The following SIGLEC1 variants were observed in gnomAD, a reference collection of about 807,000 sequenced individuals.
SIGLEC1 encodes sialoadhesin.
A neutral mutation model predicts 148.0 loss-of-function variants in SIGLEC1; 132 were observed. The ratio of observed to expected loss-of-function variants is 0.89; its 90% confidence interval spans 0.77 to 1.03. SIGLEC1 has a LOEUF of 1.03. SIGLEC1 is among the 50% of genes least tolerant of loss of function. The pLI is 0.00. For missense variants in SIGLEC1, 2,253 were observed against 2,271.4 expected (o/e 0.99, Z 0.16); for synonymous variants, 945 against 969.0 (o/e 0.98, Z 0.46).
chr20:3,706,300 G>C (rs1354632589), intron 3 of SIGLEC1, 47 bp downstream of exon 3: 1 of 1,566,684 alleles, frequency 6.4e-7, no homozygotes, highest in East Asian at 2.3e-5. Flanking sequence ...TCCAGAAGCA[G>C]CTTGGGAATC....
At chr20:3,712,418 G>A (rs951697945) in intron 1 of SIGLEC1, among the ~76,000 whole-genome samples, 52 bp downstream of exon 1, 12 of 129,740 alleles carry the variant, frequency 9.2e-5, no homozygotes, top group South Asian at 3.1e-4. Context: ...GCCCAGCCCC[G>A]CTCCTAATGC....
chr20:3,698,138 A>C lies in SIGLEC1; in HGVS notation c.1787-5T>G. The C allele has an allele frequency of 4.4e-6, 7 of 1,578,658 alleles. No homozygotes were observed. Among genetic ancestry groups the C allele is most frequent in the Non-Finnish European group, 6.0e-6 (7 of 1,166,028 alleles). ...ATGTTGGTTGTCGAGGGGGGTCTGC[A>C]GGGAGGAAGAACATGGGCACTCATC... On this transcript the variant is annotated splice_region_variant and splice_polypyrimidine_tract_variant and intron_variant, in intron 8 of 21. Transcript: ENST00000344754.
intron 4 of SIGLEC1, 136 bp from the exon 5 acceptor site, chr20:3,704,227 A>C: frequency 2.5e-6 from 2 of 801,854 alleles, no homozygotes; most frequent in Admixed American, 2.5e-5. Context: ...TTCAATCCTC[A>C]CCCAGGGCAT....
intron 4 of SIGLEC1, 36 bp downstream of exon 4, chr20:3,705,680 GGCTGGTTTCTGTCAGGAGCAACAGATGC>G: frequency 1.3e-6 from 2 of 1,513,614 alleles, no homozygotes; most frequent in Admixed American, 3.6e-5. Context: ...GCTGGAGAGG[GGCTGGTTTCTGTCAGGAGCAACAGATGC>G]GCTCAGCCAC....
chr20:3,698,263 G>A, intron 8 of SIGLEC1, 130 bp from the exon 9 acceptor site: 1 of 803,750 alleles, frequency 1.2e-6, no homozygotes, highest in East Asian at 2.8e-5. Context: ...TGCAGACTGT[G>A]CACTGCACAA....
In SIGLEC1 at chr20:3,696,120, C is replaced by CTATATATATATA. The variant is rs1555847913; in HGVS notation, c.2683+465_2683+466insTATATATATATA. On this transcript the variant is annotated intron_variant, in intron 11 of 21. Coordinates refer to ENST00000344754, the MANE Select transcript of SIGLEC1 (RefSeq NM_023068.4). ...GCCTGAGGGAGGATTTTTATAGAGA[C>CTATATATATATA]TATATATATACACACACACAAACAC... 5.7e-4 allele frequency among the ~76,000 whole-genome samples: 60 copies of CTATATATATATA among 106,056 alleles called. 1 individual carries two copies. The Middle Eastern group carries it at 0.013, about 22-fold the overall frequency. The allele number at this position is 106,056 out of a possible 152,430, so 69.6% of individuals were successfully genotyped here.
At chr20:3,705,722 G>T (rs1289527631) in intron 4 of SIGLEC1, 22 bp downstream of exon 4, 3 of 1,586,778 alleles carry the variant, frequency 1.9e-6, no homozygotes, top group Non-Finnish European at 2.6e-6. Flanking sequence ...CAGCCACAAG[G>T]GTGTGTCCCC....
Position 3,689,830 on chromosome 20 carries a change from C to T in SIGLEC1, c.4895-128G>A, listed in dbSNP as rs184185343. ...CGCTGAAGCTCTCCACACAAGGGTG[C>T]CCCGAGCAATCAGTTTAGAGTCGAC... On this transcript the variant is annotated intron_variant, in intron 19 of 21. Transcript: ENST00000344754. 2.8e-5 allele frequency: 32 copies of T among 1,158,932 alleles called. No homozygotes were observed. In the East Asian group the frequency reaches 8.0e-4, roughly 29 times the overall value. 71.8% of individuals were successfully genotyped at this position (1,158,932 alleles called of 1,614,324 possible).
Position 3,691,504 on chromosome 20 carries a change from T to G in SIGLEC1, c.4427A>C (p.Asn1476Thr). The G allele has an allele frequency of 6.2e-7, 1 of 1,613,238 alleles. No homozygotes were observed. Among genetic ancestry groups the G allele is most frequent in the Non-Finnish European group, 8.5e-7 (1 of 1,179,984 alleles). Residue 1476 changes from asparagine to threonine, a missense_variant, in exon 18 of 22, where the codon AAC (asparagine) becomes ACC (threonine). By Grantham distance (65) the Asn-to-Thr change is moderately conservative. Coordinates refer to ENST00000344754, the MANE Select transcript of SIGLEC1 (RefSeq NM_023068.4). ...ATTCCAGAACCATGCAAAGGTGGAG[T>G]TGCCCACAGGCCCAGGGCCACCCAG... ...RLLGGPGPVG[N>T]STFAWFWNDR...
intron 1 of SIGLEC1, among the ~76,000 whole-genome samples, chr20:3,709,098 G>A (rs1041397708): frequency 1.4e-5 from 2 of 146,424 alleles, no homozygotes; most frequent in Non-Finnish European, 3.0e-5. Context: ...TATCCAGAGA[G>A]TGAATAAAAG....
rs896538837 is a variant in SIGLEC1, at chr20:3,689,503, T to C, written c.4997+97A>G. On this transcript the variant is annotated intron_variant, in intron 20 of 21. Coordinates refer to ENST00000344754, the MANE Select transcript of SIGLEC1 (RefSeq NM_023068.4). ...CTGGGAAGTAGGCAGCCTGTGAACT[T>C]AATAGGAGGTCCTAAAGGACCTGGG... The C allele has an allele frequency of 6.1e-6, 5 of 814,554 alleles. No homozygotes were observed. In the African/African-American group the frequency reaches 6.9e-5, roughly 11 times the overall value. 50.5% of individuals were successfully genotyped at this position (814,554 alleles called of 1,614,324 possible).
At chr20:3,704,632 T>C (rs2087879177) in intron 4 of SIGLEC1, among the ~76,000 whole-genome samples, 1 of 152,222 alleles carries the variant, frequency 6.6e-6, no homozygotes, top group African/African-American at 2.4e-5. Flanking sequence ...TCTTATTTTT[T>C]TAGAAAGAGG....
chr20:3,702,363 A>T (rs1333221156), intron 6 of SIGLEC1, among the ~76,000 whole-genome samples: 1 of 152,154 alleles, frequency 6.6e-6, no homozygotes, highest in East Asian at 1.9e-4. Flanking sequence ...AGGTAGGTGG[A>T]TCACGTGAGG....
rs373342124 is a variant in SIGLEC1 at position 3,690,056 on chromosome 20, G to T, written c.4800C>A (p.Ile1600=). The T allele has an allele frequency of 8.1e-6, 13 of 1,612,052 alleles. No homozygotes were observed. The highest frequency in any genetic ancestry group is 1.1e-5 in the Non-Finnish European group (13 of 1,179,478). The change falls in exon 19 of 22, where the codon ATC becomes ATA. Residue 1600 remains isoleucine (I), a synonymous_variant. Coordinates refer to ENST00000344754, the MANE Select transcript of SIGLEC1 (RefSeq NM_023068.4). ...LASPNALRVD[I]EALRPSDQGE... ...CTTGGTCGCTGGGCCTCAGCGCCTC[G>T]ATGTCCACCCTCAGGGCATTGGGGG...
chr20:3,701,710 C>T, intron 6 of SIGLEC1, 69 bp from the exon 7 acceptor site: 1 of 1,425,370 alleles, frequency 7.0e-7, no homozygotes, highest in Non-Finnish European at 9.4e-7. Context: ...CTGATACAAC[C>T]CGTGACCTCT....
intron 16 of SIGLEC1, 122 bp from the exon 17 acceptor site, chr20:3,692,324 AC>A: frequency 8.4e-7 from 1 of 1,191,532 alleles, no homozygotes; most frequent in Non-Finnish European, 1.1e-6. Context: ...TAGAAGTGAC[AC>A]CTTCCCAGGA....
chr20:3,709,005 A>G (rs369699805), intron 1 of SIGLEC1, among the ~76,000 whole-genome samples: 1 of 138,242 alleles, frequency 7.2e-6, no homozygotes, highest in East Asian at 2.2e-4. Context: ...GGATCACGCC[A>G]CTGTACTCCA....
In SIGLEC1 at chr20:3,689,990, G is replaced by A; in HGVS notation, c.4866C>T (p.Ala1622=). The change falls in exon 19 of 22, where the codon GCC becomes GCT. Residue 1622 remains alanine, a synonymous_variant. Coordinates refer to ENST00000344754, the MANE Select transcript of SIGLEC1 (RefSeq NM_023068.4). ...TGACCCCAAAGTAGGTGGAGGTAGAGGCAGAGCCCAGGACATTTGAGGCAG... is the reference window on the plus strand; with the variant it reads ...TGACCCCAAAGTAGGTGGAGGTAGAAGCAGAGCCCAGGACATTTGAGGCAG... ...ICSASNVLGS[A]STSTYFGVRA... 1 of 1,613,054 alleles carries A rather than the reference G, an allele frequency of 6.2e-7. No individual in the cohort carries two copies. The highest frequency in any genetic ancestry group is 8.5e-7 in the Non-Finnish European group (1 of 1,179,802).
chr20:3,707,935 T>C (rs1447392083), intron 1 of SIGLEC1, among the ~76,000 whole-genome samples: 1 of 152,258 alleles, frequency 6.6e-6, no homozygotes. Context: ...AACTTCTCCT[T>C]TGAGGTTCCT....
Sources: gnomAD v4.1 joint callset for allele counts (sites outside exome capture counted in the v4.1 genomes callset) on GRCh38, gnomAD v4.1.1 for gene constraint, MANE v1.5 for transcripts, NCBI Gene and HGNC (gene_info 2026-07-23, HGNC 2026-07-21) for gene names.